VSIG1: variants seen among roughly 807,000 people sequenced by gnomAD.
VSIG1 encodes V-set and immunoglobulin domain-containing protein 1.
In VSIG1, 11 loss-of-function variants were observed where a neutral mutation model predicts 20.1. The ratio of observed to expected loss-of-function variants is 0.55; its 90% CI spans 0.34 to 0.91. VSIG1 has a LOEUF of 0.91. VSIG1 is among the 40% of genes least tolerant of loss of function. The pLI is 0.02. For synonymous variants in VSIG1, 126 were observed against 116.7 expected (o/e 1.08, Z -0.52); for missense variants, 283 against 298.8 (o/e 0.95, Z 0.39).
In VSIG1 at chrX:108,047,957, CACACATATATATATATATATATATATAT is replaced by C. The variant is rs2030676708; in HGVS notation, c.49+2780_49+2807del. On this transcript the variant is annotated intron_variant, in intron 1 of 6. Transcript: ENST00000217957. ...ATACACATATATATATATATATACACACACATATATATATATATATATATATATATATATATATATATATACACATATA... is the reference window on the plus strand; with the variant it reads ...ATACACATATATATATATATATACACATATATATATATATATACACATATA... Among the ~76,000 whole-genome samples, 7 of 25,890 alleles carry C rather than the reference CACACATATATATATATATATATATATAT, an allele frequency of 2.7e-4. 1 individual carries two copies. Among genetic ancestry groups the C allele is most frequent in the Admixed American group, 5.5e-4 (1 of 1,824 alleles). The allele number at this position is 25,890 out of a possible 115,157, so 22.5% of individuals were successfully genotyped here.
chrX:108,043,227 C>A (rs960974201), upstream of VSIG1, among the ~76,000 whole-genome samples: 1 of 112,267 alleles, frequency 8.9e-6, no homozygotes, highest in Non-Finnish European at 1.9e-5. Flanking sequence ...CCCTCCACTG[C>A]CTTATACGGC....
intron 5 of VSIG1, among the ~76,000 whole-genome samples, chrX:108,074,554 A>G (rs1459391414): frequency 2.7e-5 from 3 of 112,112 alleles, no homozygotes; most frequent in African/African-American, 9.7e-5. Flanking sequence ...ATACAGAGAT[A>G]AAGAAGATGT....
intron 2 of VSIG1, among the ~76,000 whole-genome samples, 169 bp downstream of exon 2, chrX:108,058,370 T>G (rs900437363): frequency 8.9e-6 from 1 of 112,145 alleles, no homozygotes; most frequent in South Asian, 3.7e-4. Flanking sequence ...ATCATCTAAG[T>G]GACTTGACTC....
chrX:108,054,121 C>A, intron 1 of VSIG1, among the ~76,000 whole-genome samples: 1 of 111,640 alleles, frequency 9.0e-6, no homozygotes, highest in East Asian at 2.8e-4. Flanking sequence ...GGAGAAGCTT[C>A]ATTAATATCT....
chrX:108,044,362 G>C (rs896657403), upstream of VSIG1, among the ~76,000 whole-genome samples: 1 of 111,899 alleles, frequency 8.9e-6, no homozygotes, highest in African/African-American at 3.2e-5. Context: ...AAACCCTATA[G>C]CATTTACTGA....
At chrX:108,049,181 T>C (rs777189504) in intron 1 of VSIG1, among the ~76,000 whole-genome samples, 1 of 112,692 alleles carries the variant, frequency 8.9e-6, no homozygotes, top group South Asian at 3.6e-4. Context: ...ACTTTAAAAT[T>C]TGAAATTACC....
At chrX:108,047,811 T>TATATATACAC (rs1569287029) in intron 1 of VSIG1, among the ~76,000 whole-genome samples, 3 of 64,097 alleles carry the variant, frequency 4.7e-5, no homozygotes, top group Admixed American at 1.7e-4. Context: ...TATATATACA[T>TATATATACAC]ATATATATAC....
the VSIG1 span, among the ~76,000 whole-genome samples, chrX:108,037,321 T>A: frequency 1.8e-5 from 2 of 112,038 alleles, no homozygotes; most frequent in East Asian, 2.8e-4. Context: ...TCAAAAAATA[T>A]ATATGAAAAA....
Position 108,067,081 on chromosome X carries a change from A to AC in VSIG1, c.365dup (p.Asp123ArgfsTer20), listed in dbSNP as rs2031147056. On this transcript the variant is annotated frameshift_variant, in exon 3 of 7. Transcript: ENST00000217957. LOFTEE classifies it high-confidence loss of function. ...GGAATTTACATCTGCGATGTTAACA[A>AC]CCCCCCAGACTTTCTCGGCCAAAAC... The AC allele has an allele frequency of 1.7e-6, 2 of 1,210,699 alleles. No individual in the cohort carries two copies. The highest frequency in any genetic ancestry group is 2.2e-6 in the Non-Finnish European group (2 of 895,171).
At chrX:108,047,831 C>CATATATATATACATATATAT (rs1315556430) in intron 1 of VSIG1, among the ~76,000 whole-genome samples, 2 of 32,562 alleles carry the variant, frequency 6.1e-5, no homozygotes, top group Non-Finnish European at 1.2e-4. Context: ...CATATATATA[C>CATATATATATACATATATAT]ACATATATAT....
chrX:108,030,101 T>C, the VSIG1 span, among the ~76,000 whole-genome samples: 4 of 111,867 alleles, frequency 3.6e-5, no homozygotes, highest in African/African-American at 1.3e-4. Context: ...CGTTGTGACA[T>C]GTCCCGAGAG....
intron 1 of VSIG1, among the ~76,000 whole-genome samples, chrX:108,057,364 G>A (rs1289893944): frequency 8.9e-6 from 1 of 111,878 alleles, no homozygotes; most frequent in Non-Finnish European, 1.9e-5. Context: ...ATAAAATAGA[G>A]AATTAAATGT....
At chrX:108,051,218 G>A (rs1011555396) in intron 1 of VSIG1, among the ~76,000 whole-genome samples, 1 of 110,975 alleles carries the variant, frequency 9.0e-6, no homozygotes, top group East Asian at 2.8e-4. Flanking sequence ...GATGGCAAGC[G>A]GCCCAGTCTG....
intron 1 of VSIG1, among the ~76,000 whole-genome samples, chrX:108,047,857 C>T (rs753912662): frequency 1.5e-4 from 9 of 60,729 alleles, no homozygotes; most frequent in East Asian, 9.3e-4. Context: ...TATATATATA[C>T]ACATATATAT....
chrX:108,054,438 C>T (rs809881), intron 1 of VSIG1, among the ~76,000 whole-genome samples: 4,958 of 111,279 alleles, frequency 0.045, 294 homozygotes, highest in African/African-American at 0.15. Context: ...AATATTTTTA[C>T]GATTTTATAT....
At position 108,048,336 on chromosome X, in the gene VSIG1, C is replaced by T. The variant is rs1235413073; in HGVS notation, c.49+3157C>T. ...TTTTTAAATGTTGATTAAGTGTGTA[C>T]ATCTTGGATTATTTTTCTTTAATAA... On this transcript the variant is annotated intron_variant, in intron 1 of 6. Coordinates refer to ENST00000217957, the MANE Select transcript of VSIG1 (RefSeq NM_182607.5). 3.6e-5 allele frequency among the ~76,000 whole-genome samples: 4 copies of T among 111,523 alleles called. No homozygotes were observed. In the East Asian group the frequency reaches 1.1e-3, roughly 32 times the overall value.
intron 5 of VSIG1, among the ~76,000 whole-genome samples, chrX:108,074,633 A>G (rs1052297281): frequency 8.9e-6 from 1 of 112,342 alleles, no homozygotes; most frequent in African/African-American, 3.2e-5. Context: ...GCTAAATCCT[A>G]TAATAGAAGT....
At chrX:108,031,140 G>A in the VSIG1 span, among the ~76,000 whole-genome samples, 1 of 111,678 alleles carries the variant, frequency 9.0e-6, no homozygotes, top group East Asian at 2.8e-4. Context: ...GTTGCCTTCA[G>A]GTCCTCCATC....
At chrX:108,046,043 A>G (rs1408499346) in intron 1 of VSIG1, among the ~76,000 whole-genome samples, 1 of 111,610 alleles carries the variant, frequency 9.0e-6, no homozygotes. Flanking sequence ...AGAATAAATT[A>G]CTAGAAGGTT....
Sources: gnomAD v4.1 joint callset for allele counts (sites outside exome capture counted in the v4.1 genomes callset) on GRCh38, gnomAD v4.1.1 for gene constraint, MANE v1.5 for transcripts, NCBI Gene and HGNC (gene_info 2026-07-23, HGNC 2026-07-21) for gene names.